RIPPLY2: variants seen among roughly 807,000 people sequenced by gnomAD.
RIPPLY2 encodes protein ripply2.
RIPPLY2 carries 20 observed loss-of-function variants against 17.7 expected under a neutral mutation model. That is an observed-to-expected ratio of 1.13 (90% CI 0.79 to 1.64). RIPPLY2 has a LOEUF of 1.64. RIPPLY2 is among the 40% of genes most tolerant of loss of function. RIPPLY2 has a pLI of 0.00. For missense variants in RIPPLY2, 213 were observed against 169.8 expected (o/e 1.25, Z -1.41); for synonymous variants, 69 against 63.9 (o/e 1.08, Z -0.38).
chr6:83,853,766 C>G lies in RIPPLY2; in HGVS notation c.167C>G (p.Ala56Gly). 6.2e-7 allele frequency: 1 copy of G among 1,612,584 alleles called. No homozygotes were observed. ...GAAGAGGAGACGCCGAACCACGCCGCGGAGGCGGTGAGTGAGCCACGCGTC... is the reference window on the plus strand; with the variant it reads ...GAAGAGGAGACGCCGAACCACGCCGGGGAGGCGGTGAGTGAGCCACGCGTC... ...KKEEETPNHAAEAMPDGPGMT... is the reference protein window; with the variant it reads ...KKEEETPNHAGEAMPDGPGMT... Residue 56 changes from alanine to glycine, a missense_variant, in exon 2 of 4, where the codon GCG (alanine) becomes GGG (glycine). Ala to Gly is a moderately conservative substitution (Grantham distance 60). Transcript: ENST00000369689.
Position 83,853,754 on chromosome 6 carries a change from C to T in RIPPLY2, c.155C>T (p.Pro52Leu), listed in dbSNP as rs775895308. ...GGAGGCAAGAAAGAAGAGGAGACGCCGAACCACGCCGCGGAGGCGGTGAGT... is the reference window on the plus strand; with the variant it reads ...GGAGGCAAGAAAGAAGAGGAGACGCTGAACCACGCCGCGGAGGCGGTGAGT... ...DAGGKKEEETPNHAAEAMPDG... is the reference protein window; with the variant it reads ...DAGGKKEEETLNHAAEAMPDG... Residue 52 changes from proline (P) to leucine (L), a missense_variant, in exon 2 of 4, where the codon CCG becomes CTG. Coordinates refer to ENST00000369689, the MANE Select transcript of RIPPLY2 (RefSeq NM_001009994.3). 1.9e-6 allele frequency: 3 copies of T among 1,613,130 alleles called. No individual in the cohort carries two copies. The highest frequency in any genetic ancestry group is 1.7e-5 in the Admixed American group (1 of 59,984).
chr6:83,853,911 C>T, intron 2 of RIPPLY2, 138 bp downstream of exon 2: 1 of 1,010,942 alleles, frequency 9.9e-7, no homozygotes, highest in Admixed American at 2.2e-5. Context: ...TGCCGGTGGC[C>T]ATAAAGGTGC....
chr6:83,854,180 C>A lies in RIPPLY2; in HGVS notation c.239+19C>A. 6.2e-7 allele frequency: 1 copy of A among 1,608,200 alleles called. No homozygotes were observed. The highest frequency in any genetic ancestry group is 8.5e-7 in the Non-Finnish European group (1 of 1,174,850). ...CAGTCAGGTGAGTGACAGGCCTCGCCGAAGGTCTCCCGCTCCTCCAGCCCC... is the reference window on the plus strand; with the variant it reads ...CAGTCAGGTGAGTGACAGGCCTCGCAGAAGGTCTCCCGCTCCTCCAGCCCC... On this transcript the variant is annotated intron_variant, in intron 3 of 3. Coordinates refer to ENST00000369689, the MANE Select transcript of RIPPLY2 (RefSeq NM_001009994.3).
chr6:83,853,834 C>T lies in RIPPLY2; in HGVS notation c.174+61C>T, dbSNP rs1230771045. ...CGGGTGCAGAAGATCGACCAGGGCT[C>T]TCGGGACGCAGGGCCTGAGAGAGAC... is the stretch of plus-strand genomic sequence containing the variant. On this transcript the variant is annotated intron_variant, in intron 2 of 3. Transcript: ENST00000369689. The T allele has an allele frequency of 1.9e-5, 28 of 1,452,310 alleles. No individual in the cohort carries two copies. The Admixed American group carries it at 2.4e-4, about 12-fold the overall frequency. The allele number at this position is 1,452,310 out of a possible 1,614,324, so 90.0% of individuals were successfully genotyped here. A position where few individuals can be genotyped will look rare whatever the true frequency, so the allele number is the denominator to read the frequency against.
chr6:83,857,190 G>T, intron 3 of RIPPLY2, 52 bp from the exon 4 acceptor site: 1 of 1,301,534 alleles, frequency 7.7e-7, no homozygotes. Flanking sequence ...CATTTCATGA[G>T]TTTAAAGATC....
chr6:83,853,615 G>T, intron 1 of RIPPLY2, 80 bp from the exon 2 acceptor site: 1 of 1,558,560 alleles, frequency 6.4e-7, no homozygotes. Context: ...ACTGCCCGGT[G>T]CCAGCGCTCG....
Position 83,857,376 on chromosome 6 carries a change from C to T in RIPPLY2, c.374C>T (p.Thr125Ile), listed in dbSNP as rs2099455148. The T allele has an allele frequency of 1.3e-6, 2 of 1,575,500 alleles. No individual in the cohort carries two copies. The highest frequency in any genetic ancestry group is 1.4e-5 in the African/African-American group (1 of 72,504). ...SDSEDEIEDL[T>I]CEN Reference sequence around the variant, plus strand: ...AGCGAAGATGAAATTGAGGATCTGACCTGTGAAAATTAATCTGATTAGCTA... The same window carrying T: ...AGCGAAGATGAAATTGAGGATCTGATCTGTGAAAATTAATCTGATTAGCTA... Residue 125 changes from threonine (T) to isoleucine (I), a missense_variant, in exon 4 of 4, where the codon ACC becomes ATC. By Grantham distance (89) the Thr-to-Ile change is moderately conservative (BLOSUM62 -1). Coordinates refer to ENST00000369689, the MANE Select transcript of RIPPLY2 (RefSeq NM_001009994.3).
chr6:83,854,215 C>G, intron 3 of RIPPLY2, 54 bp downstream of exon 3: 2 of 1,421,112 alleles, frequency 1.4e-6, no homozygotes, highest in Admixed American at 1.7e-5. Flanking sequence ...CAGGGAGGAG[C>G]CAGGGGCATC....
At chr6:83,853,657 C>T (rs1413044745) in intron 1 of RIPPLY2, 38 bp from the exon 2 acceptor site, 3 of 1,601,150 alleles carry the variant, frequency 1.9e-6, no homozygotes, top group Admixed American at 1.7e-5. Flanking sequence ...TCTGGGCTCA[C>T]GTCTCCTCTG....
Position 83,857,268 on chromosome 6 carries a change from A to G in RIPPLY2, c.266A>G (p.Tyr89Cys). ...VRLFWPKSKC[Y>C]DYLYQEAEAL... ...CTATTTTGGCCAAAATCAAAATGTT[A>G]TGATTACTTATATCAAGAAGCAGAA... The change falls in exon 4 of 4, where the codon TAT becomes TGT. Residue 89 changes from tyrosine to cysteine, a missense_variant. Transcript: ENST00000369689. 2.6e-6 allele frequency: 4 copies of G among 1,522,354 alleles called. No homozygotes were observed. Among genetic ancestry groups the G allele is most frequent in the Non-Finnish European group, 3.5e-6 (4 of 1,137,882 alleles). 94.3% of individuals were successfully genotyped at this position (1,522,354 alleles called of 1,614,324 possible).
At chr6:83,855,667 G>C (rs901332860) in intron 3 of RIPPLY2, 5 of 152,202 alleles carry the variant, frequency 3.3e-5, no homozygotes, top group South Asian at 2.1e-4. Flanking sequence ...AACTGCGTAC[G>C]TAAGTTAGGG....
At chr6:83,854,311 T>C in intron 3 of RIPPLY2, 150 bp downstream of exon 3, 1 of 663,678 alleles carries the variant, frequency 1.5e-6, no homozygotes, top group Non-Finnish European at 2.7e-6. Flanking sequence ...TTCTCACTCA[T>C]CAAATTGAAA....
chr6:83,853,337 AG>A, upstream of RIPPLY2: 1 of 1,178,534 alleles, frequency 8.5e-7, no homozygotes, highest in Non-Finnish European at 1.2e-6. Flanking sequence ...GGCTATATAA[AG>A]CTCGGGTCTC....
chr6:83,854,216 CA>C, intron 3 of RIPPLY2, 55 bp downstream of exon 3: 14 of 1,413,330 alleles, frequency 9.9e-6, no homozygotes, highest in Admixed American at 1.7e-5. Context: ...AGGGAGGAGC[CA>C]GGGGCATCGC....
chr6:83,854,196 C>T (rs768540262), intron 3 of RIPPLY2, 35 bp downstream of exon 3: 5 of 1,579,670 alleles, frequency 3.2e-6, no homozygotes, highest in Non-Finnish European at 4.4e-6. Context: ...TCTCCCGCTC[C>T]TCCAGCCCCA....
chr6:83,857,360 G>A lies in RIPPLY2; in HGVS notation c.358G>A (p.Glu120Lys). ...SFYEDSDSEDEIEDLTCEN is the reference protein window; with the variant it reads ...SFYEDSDSEDKIEDLTCEN ...TTATGAAGATTCTGATAGCGAAGAT[G>A]AAATTGAGGATCTGACCTGTGAAAA... Residue 120 changes from glutamate to lysine, a missense_variant, in exon 4 of 4, where the codon GAA (glutamate) becomes AAA (lysine). By Grantham distance (56) the Glu-to-Lys change is moderately conservative (BLOSUM62 1). Coordinates refer to ENST00000369689, the MANE Select transcript of RIPPLY2 (RefSeq NM_001009994.3). 6.3e-7 allele frequency: 1 copy of A among 1,584,494 alleles called. No homozygotes were observed. The highest frequency in any genetic ancestry group is 8.5e-7 in the Non-Finnish European group (1 of 1,170,808).
In RIPPLY2 at chr6:83,854,170, C is replaced by T; in HGVS notation, c.239+9C>T. ...TTCAGGCACCCAGTCAGGTGAGTGA[C>T]AGGCCTCGCCGAAGGTCTCCCGCTC... On this transcript the variant is annotated intron_variant, in intron 3 of 3. Coordinates refer to ENST00000369689, the MANE Select transcript of RIPPLY2 (RefSeq NM_001009994.3). The T allele has an allele frequency of 6.2e-7, 1 of 1,612,644 alleles. No individual in the cohort carries two copies. The highest frequency in any genetic ancestry group is 8.5e-7 in the Non-Finnish European group (1 of 1,178,762).
intron 2 of RIPPLY2, 131 bp downstream of exon 2, chr6:83,853,904 C>G: frequency 9.7e-7 from 1 of 1,026,820 alleles, no homozygotes; most frequent in Non-Finnish European, 1.4e-6. Flanking sequence ...TCCCGCCTGC[C>G]GGTGGCCATA....
chr6:83,853,998 G>A, intron 2 of RIPPLY2, 99 bp from the exon 3 acceptor site: 7 of 1,244,916 alleles, frequency 5.6e-6, no homozygotes, highest in Middle Eastern at 2.0e-4. Context: ...GAGCCCTGGG[G>A]TTACATTCCC....
Sources: gnomAD v4.1 joint callset for allele counts on GRCh38, gnomAD v4.1.1 for gene constraint, MANE v1.5 for transcripts, NCBI Gene and HGNC (gene_info 2026-07-23, HGNC 2026-07-21) for gene names.